The following ANKS1B variants were observed in gnomAD, a reference collection of about 807,000 sequenced individuals.
The protein encoded by ANKS1B is ankyrin repeat and sterile alpha motif domain-containing protein 1B.
A neutral mutation model predicts 148.3 loss-of-function variants in ANKS1B; 36 were observed. That is an observed-to-expected ratio of 0.24 (90% CI 0.19 to 0.32). ANKS1B has a LOEUF of 0.32. Ranked by LOEUF, ANKS1B falls within the 10% of genes least tolerant of loss-of-function variation. The pLI, the probability that ANKS1B is intolerant of heterozygous loss-of-function variation, is 1.00. For synonymous variants in ANKS1B, 542 were observed against 560.8 expected (o/e 0.97, Z 0.47); for missense variants, 1,157 against 1,542.6 (o/e 0.75, Z 4.19).
intron 9 of ANKS1B, among the ~76,000 whole-genome samples, chr12:99,635,762 T>A (rs1204775560): frequency 6.6e-6 from 1 of 152,148 alleles, no homozygotes; most frequent in Non-Finnish European, 1.5e-5. Context: ...GTTACGTGTA[T>A]CTTCACAATT....
intron 25 of ANKS1B, among the ~76,000 whole-genome samples, chr12:98,772,552 G>C (rs2098600696): frequency 6.6e-6 from 1 of 152,190 alleles, no homozygotes; most frequent in African/African-American, 2.4e-5. Flanking sequence ...CGGCAGGCAA[G>C]AGAGAGCTTG....
chr12:99,638,339 C>T (rs2098264513), intron 9 of ANKS1B, among the ~76,000 whole-genome samples: 1 of 152,218 alleles, frequency 6.6e-6, no homozygotes, highest in African/African-American at 2.4e-5. Context: ...TAGAGACTTG[C>T]TGAATGGCTT....
At position 99,722,932 on chromosome 12, in the gene ANKS1B, G is replaced by A. The variant is rs532168425; in HGVS notation, c.1128+49990C>T. Among the ~76,000 whole-genome samples, 11 of 152,288 alleles carry A rather than the reference G, an allele frequency of 7.2e-5. No homozygotes were observed. The South Asian group carries it at 2.3e-3, about 32-fold the overall frequency. On this transcript the variant is annotated intron_variant, in intron 8 of 26. Coordinates refer to ENST00000683438, the MANE Select transcript of ANKS1B (RefSeq NM_001352186.2). ...CCTGAGAGCCACACAGGGCAGGTGG[G>A]TCCCCACCCCCCCGCCAAGGGAGGT...
In ANKS1B at chr12:99,265,111, A is replaced by C. The variant is rs538388122; in HGVS notation, c.1757-18247T>G. Among the ~76,000 whole-genome samples the C allele has an allele frequency of 5.0e-3, 756 of 152,310 alleles. 2 individuals carry two copies. Among genetic ancestry groups the C allele is most frequent in the South Asian group, 0.019 (91 of 4,830 alleles). On this transcript the variant is annotated intron_variant, in intron 12 of 26. Transcript: ENST00000683438. The stretch of plus-strand genomic sequence containing the variant: ...TAAATTCATTTAATTTTATTAACTT[A>C]AATTTTACTTTAAATAGTCACATGT...
At chr12:99,602,909 T>A (rs906109825) in intron 9 of ANKS1B, among the ~76,000 whole-genome samples, 2 of 152,114 alleles carry the variant, frequency 1.3e-5, no homozygotes, top group African/African-American at 4.8e-5. Context: ...ATAGTTTTCA[T>A]CTGACACATA....
chr12:98,860,314 G>A (rs1383887349), intron 17 of ANKS1B, among the ~76,000 whole-genome samples: 1 of 152,192 alleles, frequency 6.6e-6, no homozygotes, highest in Admixed American at 6.5e-5. Context: ...TCAAACTGGG[G>A]CCTCTGAATT....
At chr12:99,211,640 C>G (rs920629105) in intron 14 of ANKS1B, among the ~76,000 whole-genome samples, 4 of 152,180 alleles carry the variant, frequency 2.6e-5, no homozygotes, top group African/African-American at 9.7e-5. Context: ...GGACCCGCTC[C>G]AGTTCTGCCT....
chr12:99,433,034 C>T (rs976108728), intron 11 of ANKS1B, among the ~76,000 whole-genome samples: 1 of 152,072 alleles, frequency 6.6e-6, no homozygotes, highest in Non-Finnish European at 1.5e-5. Context: ...GACAAGAGCA[C>T]AATAATCAAT....
chr12:98,782,034 T>G (rs2098741962), intron 23 of ANKS1B, 92 bp downstream of exon 23: 2 of 1,100,532 alleles, frequency 1.8e-6, no homozygotes, highest in Admixed American at 4.5e-5. Context: ...TGTTTAGCTT[T>G]ATCATTCATC....
intron 5 of ANKS1B, among the ~76,000 whole-genome samples, chr12:99,780,562 T>G (rs10860522): frequency 0.3 from 44,843 of 151,960 alleles, 7,085 homozygotes; most frequent in East Asian, 0.54. Context: ...GATTACAGGC[T>G]TGAGCCACCA....
intron 19 of ANKS1B, among the ~76,000 whole-genome samples, chr12:98,827,423 ACT>A (rs1181378403): frequency 1.3e-5 from 2 of 151,714 alleles, no homozygotes; most frequent in Non-Finnish European, 2.9e-5. Flanking sequence ...TGCTTATCTC[ACT>A]CTGTTTTCTG....
chr12:99,284,017 A>G (rs1461742120), intron 12 of ANKS1B, among the ~76,000 whole-genome samples: 2 of 152,190 alleles, frequency 1.3e-5, no homozygotes, highest in Non-Finnish European at 2.9e-5. Flanking sequence ...ATAATCCTAA[A>G]TAAGTTCTGG....
chr12:99,083,716 C>T (rs1001022144), intron 16 of ANKS1B: 1 of 152,020 alleles, frequency 6.6e-6, no homozygotes, highest in Admixed American at 6.6e-5. Context: ...TTGTACAAAT[C>T]CCATTGGATT....
chr12:98,894,586 G>A (rs889856550), intron 17 of ANKS1B: 33 of 985,246 alleles, frequency 3.3e-5, no homozygotes, highest in Non-Finnish European at 3.9e-5. Flanking sequence ...ACGTCTCGGC[G>A]AGCGGGGGCC....
At chr12:99,557,352 AT>A (rs959054109) in intron 9 of ANKS1B, among the ~76,000 whole-genome samples, 2 of 152,062 alleles carry the variant, frequency 1.3e-5, no homozygotes, top group African/African-American at 2.4e-5. Context: ...GGTTTTGTTC[AT>A]TTTTTTAATT....
chr12:99,611,984 G>A (rs2097906199), intron 9 of ANKS1B, among the ~76,000 whole-genome samples: 2 of 151,962 alleles, frequency 1.3e-5, no homozygotes, highest in Admixed American at 1.3e-4. Context: ...CTAAACCAAT[G>A]TATTCAGTGC....
chr12:99,031,820 G>A (rs1207461932), intron 17 of ANKS1B, among the ~76,000 whole-genome samples: 2 of 152,196 alleles, frequency 1.3e-5, no homozygotes, highest in East Asian at 3.8e-4. Context: ...CACAATTCAT[G>A]TCCTTATGAT....
intron 1 of ANKS1B, among the ~76,000 whole-genome samples, chr12:99,908,641 G>A (rs999372774): frequency 6.6e-6 from 1 of 152,126 alleles, no homozygotes; most frequent in African/African-American, 2.4e-5. Flanking sequence ...AATTCTTTAA[G>A]TTATTAAGAA....
chr12:98,845,973 T>TAC lies in ANKS1B; in HGVS notation c.2779-13838_2779-13837insGT, dbSNP rs1198079951. Among the ~76,000 whole-genome samples the TAC allele has an allele frequency of 6.5e-3, 453 of 69,570 alleles. 3 individuals are homozygous for TAC. Among genetic ancestry groups the TAC allele is most frequent in the African/African-American group, 0.013 (435 of 33,620 alleles). The allele number at this position is 69,570 out of a possible 152,430, so 45.6% of individuals were successfully genotyped here. A position where few individuals can be genotyped will look rare whatever the true frequency, so the allele number is the denominator to read the frequency against. ...GTCTTATTAGAATTCTTCATATATA[T>TAC]ATATATACACACACACACACACACA... On this transcript the variant is annotated intron_variant, in intron 17 of 26. Coordinates refer to ENST00000683438, the MANE Select transcript of ANKS1B (RefSeq NM_001352186.2).
Sources: gnomAD v4.1 joint callset for allele counts (sites outside exome capture counted in the v4.1 genomes callset) on GRCh38, gnomAD v4.1.1 for gene constraint, MANE v1.5 for transcripts, NCBI Gene and HGNC (gene_info 2026-07-23, HGNC 2026-07-21) for gene names.